ANKRD10: variants seen among roughly 807,000 people sequenced by gnomAD.
The protein encoded by ANKRD10 is ankyrin repeat domain 10.
ANKRD10 carries 14 observed loss-of-function variants against 27.0 expected under a neutral mutation model. The observed-to-expected ratio is 0.52, with a 90% CI of 0.34 to 0.81. The LOEUF is 0.81. ANKRD10 is among the 40% of genes least tolerant of loss of function. The pLI, the probability that ANKRD10 is intolerant of heterozygous loss-of-function variation, is 0.01. For synonymous variants in ANKRD10, 250 were observed against 224.5 expected, an observed-to-expected ratio of 1.11 and a Z score of -1.01; for missense variants, 493 against 544.0, an observed-to-expected ratio of 0.91 and a Z score of 0.93.
rs1394521579 is a variant in ANKRD10, at chr13:110,883,763, G to A, written c.722C>T (p.Thr241Met). Residue 241 changes from threonine (T) to methionine (M), a missense_variant, in exon 5 of 6, where the codon ACG becomes ATG. Transcript: ENST00000267339. ...AGCATCGTCTTCTGTGTCGCCATTC[G>A]TGAGTGGCACGGCAGAATCCAAGCT... The part of the protein sequence containing the change: ...AQSLDSAVPL[T>M]NGDTEDDADK... 6 of 1,614,140 alleles carry A rather than the reference G, an allele frequency of 3.7e-6. No individual in the cohort carries two copies. The highest frequency in any genetic ancestry group is 4.5e-5 in the East Asian group (2 of 44,886).
At chr13:110,890,417 T>C (rs1374204257) in intron 4 of ANKRD10, among the ~76,000 whole-genome samples, 1 of 152,132 alleles carries the variant, frequency 6.6e-6, no homozygotes, top group Non-Finnish European at 1.5e-5. Context: ...GCAGGTGAGC[T>C]AAAGATGCCC....
chr13:110,880,032 T>A lies in ANKRD10; in HGVS notation c.868A>T (p.Thr290Ser). 2.5e-6 allele frequency: 4 copies of A among 1,614,132 alleles called. No homozygotes were observed. Among genetic ancestry groups the A allele is most frequent in the Non-Finnish European group, 2.5e-6 (3 of 1,180,018 alleles). Residue 290 changes from threonine (T) to serine (S), a missense_variant, in exon 6 of 6, where the codon ACC (threonine) becomes TCC (serine). Coordinates refer to ENST00000267339, the MANE Select transcript of ANKRD10 (RefSeq NM_017664.4). ...INGHLDFPST[T>S]PLSGMESRNG... ...CTGCTTTCCATCCCACTGAGCGGGG[T>A]CGTGGAGGGGAAGTCCAAATGTCCA... is the stretch of plus-strand genomic sequence containing the variant.
At chr13:110,905,956 C>T (rs1455696315) in intron 3 of ANKRD10, 77 bp downstream of exon 3, 23 of 1,327,916 alleles carry the variant, frequency 1.7e-5, no homozygotes, top group Non-Finnish European at 2.1e-6. Flanking sequence ...AGGACTTTTG[C>T]CTGCTTATGT....
In ANKRD10 at chr13:110,914,936, G is replaced by T. The variant is rs1047075015; in HGVS notation, c.-2C>A. ...CGCGCCCGCTCCCGCCGCCGACATG[G>T]TCCGTCACCGGAGAGCGCGGGGCTC... is the stretch of plus-strand genomic sequence containing the variant. On this transcript the variant is annotated 5_prime_UTR_variant, in exon 1 of 6. Transcript: ENST00000267339. 36 of 1,531,878 alleles carry T rather than the reference G, an allele frequency of 2.4e-5. No homozygotes were observed. Among genetic ancestry groups the T allele is most frequent in the Admixed American group, 1.2e-4 (6 of 50,808 alleles). The allele number at this position is 1,531,878 out of a possible 1,614,324, so 94.9% of individuals were successfully genotyped here. A position where few individuals can be genotyped will look rare whatever the true frequency, so the allele number is the denominator to read the frequency against.
intron 1 of ANKRD10, among the ~76,000 whole-genome samples, chr13:110,912,189 C>T (rs2065733977): frequency 6.6e-6 from 1 of 152,218 alleles, no homozygotes; most frequent in South Asian, 2.1e-4. Context: ...AATCACAATG[C>T]AGTTAGGGAA....
intron 4 of ANKRD10, among the ~76,000 whole-genome samples, chr13:110,891,871 CTTTTTTTTTTTT>C (rs10553815): frequency 1.6e-5 from 2 of 121,242 alleles, no homozygotes; most frequent in Non-Finnish European, 3.4e-5. Flanking sequence ...CTTATTAAGA[CTTTTTTTTTTTT>C]TTTTTTTTAA....
In ANKRD10 at chr13:110,879,374, A is replaced by G. The variant is rs932023392; in HGVS notation, c.*263T>C. 1.1e-5 allele frequency: 5 copies of G among 445,380 alleles called. No individual in the cohort carries two copies. Among genetic ancestry groups the G allele is most frequent in the African/African-American group, 9.6e-5 (5 of 51,866 alleles). 27.6% of individuals were successfully genotyped at this position (445,380 alleles called of 1,614,324 possible). On this transcript the variant is annotated 3_prime_UTR_variant, in exon 6 of 6. Transcript: ENST00000267339. ...ATCTGGTGACAGTATTAAAAAGACA[A>G]TGTTGAGATTGGCATCAGAAAAACT...
intron 5 of ANKRD10, 30 bp downstream of exon 5, chr13:110,883,668 T>C (rs2064860109): frequency 6.2e-7 from 1 of 1,612,610 alleles, no homozygotes; most frequent in Admixed American, 1.7e-5. Context: ...GGATTGTTGT[T>C]GCAGCTAACA....
chr13:110,891,739 A>G (rs780308621), intron 4 of ANKRD10, among the ~76,000 whole-genome samples: 1 of 152,120 alleles, frequency 6.6e-6, no homozygotes, highest in African/African-American at 2.4e-5. Context: ...TTTTAAACCA[A>G]CGGGCAAAAC....
Position 110,893,235 on chromosome 13 carries a change from C to G in ANKRD10, c.484G>C (p.Ala162Pro). 1 of 1,614,154 alleles carries G rather than the reference C, an allele frequency of 6.2e-7. No individual in the cohort carries two copies. Among genetic ancestry groups the G allele is most frequent in the South Asian group, 1.1e-5 (1 of 91,084 alleles). ...AAACCCTGGGTTTGTGCAATGTCTG[C>G]TGCTGTCAGGCCACTGGCATTTCTC... ...DLRNASGLTA[A>P]DIAQTQGFQE... Residue 162 changes from alanine (A) to proline (P), a missense_variant, in exon 4 of 6, where the codon GCA (alanine) becomes CCA (proline). By Grantham distance (27) the Ala-to-Pro change is conservative. Transcript: ENST00000267339.
At chr13:110,903,890 G>T (rs1193109157) in intron 3 of ANKRD10, 1 of 151,970 alleles carries the variant, frequency 6.6e-6, no homozygotes. Flanking sequence ...AAAAAGAAAC[G>T]GTTATGATTT....
chr13:110,894,424 A>AAAAAAAAAC (rs1467879088), intron 3 of ANKRD10: 1 of 305,350 alleles, frequency 3.3e-6, no homozygotes, highest in South Asian at 8.9e-5. Context: ...AAAAAAAAAA[A>AAAAAAAAAC]AAACCCCGCA....
chr13:110,904,797 AAC>A (rs2138874090), intron 3 of ANKRD10, among the ~76,000 whole-genome samples: 1 of 152,362 alleles, frequency 6.6e-6, no homozygotes, highest in East Asian at 1.9e-4. Flanking sequence ...TGTAACAGTA[AAC>A]AGAGGCCATG....
intron 3 of ANKRD10, chr13:110,903,988 G>A (rs376507710): frequency 2.0e-5 from 3 of 152,188 alleles, no homozygotes; most frequent in South Asian, 4.1e-4. Context: ...ACTGTTACAC[G>A]TTGGTGGACT....
Position 110,879,500 on chromosome 13 carries a change from G to C in ANKRD10, c.*137C>G. The C allele has an allele frequency of 1.4e-6, 1 of 693,536 alleles. No homozygotes were observed. Among genetic ancestry groups the C allele is most frequent in the East Asian group, 2.7e-5 (1 of 36,760 alleles). 43.0% of individuals were successfully genotyped at this position (693,536 alleles called of 1,614,324 possible). ...AACAAGCAGTTGCTGGGAACTTGTC[G>C]AAGTTTACTTTTTCAGAAAGTTGAA... On this transcript the variant is annotated 3_prime_UTR_variant, in exon 6 of 6. Coordinates refer to ENST00000267339, the MANE Select transcript of ANKRD10 (RefSeq NM_017664.4).
At chr13:110,894,117 A>G (rs1421207317) in intron 3 of ANKRD10, 1 of 1,606,134 alleles carries the variant, frequency 6.2e-7, no homozygotes, top group East Asian at 2.2e-5. Flanking sequence ...ACCTTTAGAC[A>G]CTGAATTAAA....
At chr13:110,911,284 T>C (rs2065697350) in intron 1 of ANKRD10, among the ~76,000 whole-genome samples, 1 of 148,036 alleles carries the variant, frequency 6.8e-6, no homozygotes, top group Non-Finnish European at 1.5e-5. Flanking sequence ...ACCCCATCTC[T>C]ACTAAAAATA....
intron 5 of ANKRD10, among the ~76,000 whole-genome samples, chr13:110,882,256 T>G (rs907824395): frequency 3.3e-5 from 5 of 152,232 alleles, no homozygotes; most frequent in African/African-American, 1.2e-4. Flanking sequence ...GAACAAAAAT[T>G]TGAAGTTACT....
intron 3 of ANKRD10, 101 bp downstream of exon 3, chr13:110,905,932 G>C: frequency 1.8e-6 from 2 of 1,132,566 alleles, no homozygotes; most frequent in Non-Finnish European, 2.5e-6. Flanking sequence ...TACTAATTTT[G>C]AAAACAAAGT....
Sources: gnomAD v4.1 joint callset for allele counts (sites outside exome capture counted in the v4.1 genomes callset) on GRCh38, gnomAD v4.1.1 for gene constraint, MANE v1.5 for transcripts, NCBI Gene and HGNC (gene_info 2026-07-23, HGNC 2026-07-21) for gene names.